Variants in CEP63 observed in about 807,000 individuals in gnomAD.
CEP63 encodes the protein centrosomal protein of 63 kDa.
CEP63 carries 84 observed loss-of-function variants against 89.1 expected under a neutral mutation model. The observed-to-expected ratio is 0.94, with a 90% confidence interval of 0.79 to 1.13. CEP63 has a LOEUF of 1.13. Ranked by LOEUF, CEP63 falls within the 50% of genes most tolerant of loss-of-function variation. CEP63 has a pLI of 0.00. For synonymous variants in CEP63, 267 were observed against 272.5 expected, an observed-to-expected ratio of 0.98 and a Z score of 0.20; for missense variants, 838 against 813.3, an observed-to-expected ratio of 1.03 and a Z score of -0.37.
chr3:134,654,280 G>A, the CEP63 span, among the ~76,000 whole-genome samples: 1 of 152,172 alleles, frequency 6.6e-6, no homozygotes, highest in Admixed American at 6.5e-5. Flanking sequence ...TCACCAGAGA[G>A]GAGTGTGTTT....
At chr3:134,740,533 G>A in the CEP63 span, among the ~76,000 whole-genome samples, 6 of 152,036 alleles carry the variant, frequency 3.9e-5, no homozygotes, top group Admixed American at 1.3e-4. Context: ...TCCTGACCTC[G>A]TGATCCGCCC....
chr3:134,495,406 A>G, intron 2 of CEP63, 42 bp downstream of exon 2: 2 of 1,226,286 alleles, frequency 1.6e-6, no homozygotes, highest in Non-Finnish European at 2.4e-6. Flanking sequence ...TGGTTAATAC[A>G]TGATTACATA....
the CEP63 span, chr3:134,598,121 A>G: frequency 5.3e-5 from 8 of 152,234 alleles, no homozygotes; most frequent in African/African-American, 1.4e-4. Flanking sequence ...GCATCATCGA[A>G]GGTGCTTATT....
downstream of CEP63, among the ~76,000 whole-genome samples, chr3:134,566,477 A>T (rs559746018): frequency 6.6e-6 from 1 of 152,324 alleles, no homozygotes; most frequent in East Asian, 1.9e-4. Context: ...TTGTCCCAGA[A>T]TGGTATCCCA....
the CEP63 span, chr3:134,603,819 C>T: frequency 1.2e-6 from 2 of 1,613,926 alleles, no homozygotes; most frequent in Non-Finnish European, 1.7e-6. Context: ...ACAGAGGTTC[C>T]AGCAGCTCAT....
In CEP63 at chr3:134,564,132, T is replaced by C. The variant is rs1957582905; in HGVS notation, c.*2597T>C. On this transcript the variant is annotated 3_prime_UTR_variant, in exon 15 of 15. Transcript: ENST00000675561. ...ATGTTTGTACTGTCTATTTCTGTCT[T>C]TAGAATTAAAACTCCTTGAGGGCAA... 3.5e-6 allele frequency: 1 copy of C among 287,144 alleles called. No individual in the cohort carries two copies. The highest frequency in any genetic ancestry group is 2.3e-5 in the African/African-American group (1 of 43,866). The allele number at this position is 287,144 out of a possible 1,614,324, so 17.8% of individuals were successfully genotyped here. A position where few individuals can be genotyped will look rare whatever the true frequency, so the allele number is the denominator to read the frequency against.
chr3:134,525,002 A>G (rs1036722256), intron 3 of CEP63, among the ~76,000 whole-genome samples: 5 of 152,280 alleles, frequency 3.3e-5, no homozygotes, highest in Admixed American at 3.3e-4. Context: ...CTGTGAATCC[A>G]TCTGACCCTG....
chr3:134,521,328 T>C (rs999628372), intron 3 of CEP63, among the ~76,000 whole-genome samples: 2 of 152,204 alleles, frequency 1.3e-5, no homozygotes, highest in African/African-American at 4.8e-5. Context: ...GCTGTACTTT[T>C]CTGTGCAAAT....
At chr3:134,704,904 A>G in the CEP63 span, among the ~76,000 whole-genome samples, 2 of 152,220 alleles carry the variant, frequency 1.3e-5, no homozygotes, top group African/African-American at 4.8e-5. Flanking sequence ...CTAGACCTAC[A>G]GAAGCAGAGC....
chr3:134,717,391 A>T, the CEP63 span, among the ~76,000 whole-genome samples: 29 of 152,208 alleles, frequency 1.9e-4, no homozygotes, highest in Non-Finnish European at 4.0e-4. Context: ...GTGCATGTGT[A>T]CACTCACACT....
chr3:134,651,132 C>A, the CEP63 span: 3 of 1,486,766 alleles, frequency 2.0e-6, no homozygotes, highest in Non-Finnish European at 2.7e-6. Context: ...CTGCCAAACA[C>A]GCCATTAGGG....
the CEP63 span, among the ~76,000 whole-genome samples, chr3:134,692,503 T>C: frequency 6.6e-6 from 1 of 152,216 alleles, no homozygotes; most frequent in East Asian, 1.9e-4. Context: ...TAGATTCTTA[T>C]ATCTGCTTTT....
chr3:134,547,460 G>A lies in CEP63; in HGVS notation c.1055G>A (p.Cys352Tyr). The A allele has an allele frequency of 6.2e-7, 1 of 1,613,682 alleles. No homozygotes were observed. Among genetic ancestry groups the A allele is most frequent in the Non-Finnish European group, 8.5e-7 (1 of 1,179,756 alleles). ...GACCTTCTGCAGGCAGAGGTGACTT[G>A]TCTTGAAGGCAGGTACATAATTATA... The part of the protein sequence containing the change: ...SEDLLQAEVT[C>Y]LEGSLESVSA... Residue 352 changes from cysteine (C) to tyrosine (Y), a missense_variant, in exon 9 of 15, where the codon TGT (cysteine) becomes TAT (tyrosine). Coordinates refer to ENST00000675561, the MANE Select transcript of CEP63 (RefSeq NM_001353108.3).
the CEP63 span, among the ~76,000 whole-genome samples, chr3:134,697,094 A>C: frequency 1.3e-5 from 2 of 152,116 alleles, no homozygotes; most frequent in Non-Finnish European, 2.9e-5. Context: ...CAAGATACCA[A>C]CTCCCTTGAG....
chr3:134,717,458 C>T, the CEP63 span, among the ~76,000 whole-genome samples: 41 of 152,228 alleles, frequency 2.7e-4, no homozygotes, highest in African/African-American at 8.9e-4. Flanking sequence ...TTTTGCAAAA[C>T]GAAACACCTT....
chr3:134,670,806 G>C, the CEP63 span, among the ~76,000 whole-genome samples: 25 of 152,126 alleles, frequency 1.6e-4, 1 homozygote, highest in South Asian at 2.1e-4. Context: ...TATAAATCAT[G>C]GAGTCCTCCC....
At chr3:134,743,355 A>G in the CEP63 span, among the ~76,000 whole-genome samples, 1 of 152,174 alleles carries the variant, frequency 6.6e-6, no homozygotes, top group African/African-American at 2.4e-5. Flanking sequence ...TCAAAAATAC[A>G]TGGTCATAAT....
the CEP63 span, among the ~76,000 whole-genome samples, chr3:134,636,061 A>G: frequency 1.3e-5 from 2 of 152,202 alleles, no homozygotes; most frequent in Non-Finnish European, 2.9e-5. Context: ...CAGTTTTGCT[A>G]TTAGAAATGA....
chr3:134,652,910 G>T, the CEP63 span, among the ~76,000 whole-genome samples: 1 of 152,164 alleles, frequency 6.6e-6, no homozygotes, highest in Non-Finnish European at 1.5e-5. Flanking sequence ...CTGAGTGTTG[G>T]TGATGGTGGG....
Sources: gnomAD v4.1 joint callset for allele counts (sites outside exome capture counted in the v4.1 genomes callset) on GRCh38, gnomAD v4.1.1 for gene constraint, MANE v1.5 for transcripts, NCBI Gene and HGNC (gene_info 2026-07-23, HGNC 2026-07-21) for gene names.